TENM2: variants seen among roughly 807,000 people sequenced by gnomAD.
TENM2 encodes the protein teneurin-2.
A neutral mutation model predicts 245.2 loss-of-function variants in TENM2; 52 were observed. The observed-to-expected ratio is 0.21, with a 90% CI of 0.17 to 0.27. The LOEUF is 0.27. TENM2 is among the 10% of genes least tolerant of loss of function. The pLI, the probability that TENM2 is intolerant of heterozygous loss-of-function variation, is 1.00. For synonymous variants in TENM2, 1,363 were observed against 1,438.9 expected (o/e 0.95, Z 1.19); for missense variants, 3,046 against 3,666.8 (o/e 0.83, Z 4.37).
intron 1 of TENM2, among the ~76,000 whole-genome samples, chr5:167,355,394 G>A (rs1489539616): frequency 1.3e-5 from 2 of 152,120 alleles, no homozygotes; most frequent in Non-Finnish European, 2.9e-5. Flanking sequence ...AACACACCGC[G>A]CACAAGAGAA....
At chr5:167,069,417 T>G in the TENM2 span, among the ~76,000 whole-genome samples, 17 of 152,338 alleles carry the variant, frequency 1.1e-4, no homozygotes, top group Admixed American at 1.1e-3. Context: ...TCAATAATGC[T>G]TAATTATTTT....
chr5:167,868,844 A>G (rs1467113058), intron 2 of TENM2, among the ~76,000 whole-genome samples: 63 of 152,132 alleles, frequency 4.1e-4, no homozygotes, highest in Non-Finnish European at 1.2e-4. Context: ...ACAGTCATGT[A>G]TACACAGCAG....
At chr5:167,770,366 C>T (rs779984758) in intron 2 of TENM2, among the ~76,000 whole-genome samples, 10 of 152,088 alleles carry the variant, frequency 6.6e-5, no homozygotes, top group Non-Finnish European at 1.0e-4. Flanking sequence ...GGAGAAGTTA[C>T]GGATGGCTGC....
At chr5:167,010,581 T>C in the TENM2 span, among the ~76,000 whole-genome samples, 5 of 152,224 alleles carry the variant, frequency 3.3e-5, no homozygotes, top group Non-Finnish European at 4.4e-5. Context: ...GATATCCTAC[T>C]TGGAGAACTA....
intron 5 of TENM2, among the ~76,000 whole-genome samples, chr5:168,011,233 TGTGCAGATG>T (rs1785197359): frequency 6.6e-6 from 1 of 152,250 alleles, no homozygotes; most frequent in African/African-American, 2.4e-5. Flanking sequence ...GTGGGAATGA[TGTGCAGATG>T]GTCTCCAGTG....
At chr5:168,155,372 A>C (rs1168528316) in intron 12 of TENM2, among the ~76,000 whole-genome samples, 1 of 142,476 alleles carries the variant, frequency 7.0e-6, no homozygotes, top group Non-Finnish European at 1.5e-5. Flanking sequence ...CAAACAAAAA[A>C]AAAACAGTGA....
At chr5:167,260,651 G>A in the TENM2 span, among the ~76,000 whole-genome samples, 3 of 152,206 alleles carry the variant, frequency 2.0e-5, no homozygotes, top group Non-Finnish European at 4.4e-5. Flanking sequence ...GGAGCACTGT[G>A]CTAGGCACTG....
intron 5 of TENM2, among the ~76,000 whole-genome samples, chr5:168,035,438 A>C (rs1406181482): frequency 1.3e-5 from 2 of 150,948 alleles, no homozygotes; most frequent in Admixed American, 6.6e-5. Context: ...CGCAGTTTGC[A>C]GTGAACTGAG....
At chr5:167,156,474 C>G in the TENM2 span, among the ~76,000 whole-genome samples, 1 of 152,014 alleles carries the variant, frequency 6.6e-6, no homozygotes, top group African/African-American at 2.4e-5. Context: ...TGGGAATGAC[C>G]CCTTAAAGTT....
intron 7 of TENM2, among the ~76,000 whole-genome samples, chr5:168,086,402 T>C (rs1301675689): frequency 6.6e-6 from 1 of 152,220 alleles, no homozygotes; most frequent in Non-Finnish European, 1.5e-5. Flanking sequence ...CATGCCACTT[T>C]GGGGTATGAC....
rs573623965 is a variant in TENM2, at chr5:167,753,172, G to A, written c.503-122814G>A. Among the ~76,000 whole-genome samples the A allele has an allele frequency of 2.6e-5, 4 of 152,270 alleles. No homozygotes were observed. In the East Asian group the frequency reaches 7.7e-4, roughly 29 times the overall value. ...TTTAAGGATGTTGACAAATCTGAAT[G>A]CATGCAAAGAAAAATGGTAAGGATG... is the stretch of plus-strand genomic sequence containing the variant. On this transcript the variant is annotated intron_variant, in intron 2 of 28. Transcript: ENST00000518659.
chr5:167,097,162 A>G, the TENM2 span, among the ~76,000 whole-genome samples: 1 of 152,124 alleles, frequency 6.6e-6, no homozygotes, highest in South Asian at 2.1e-4. Context: ...TGCCGGCGCT[A>G]GTCTTGTGGC....
At chr5:167,094,940 G>A in the TENM2 span, among the ~76,000 whole-genome samples, 1 of 152,112 alleles carries the variant, frequency 6.6e-6, no homozygotes, top group Non-Finnish European at 1.5e-5. Flanking sequence ...TGTGTACCAG[G>A]CCCTGAGTTG....
chr5:167,988,494 C>T (rs1017039823), intron 4 of TENM2, among the ~76,000 whole-genome samples: 8 of 152,034 alleles, frequency 5.3e-5, no homozygotes, highest in African/African-American at 1.7e-4. Flanking sequence ...ATTGAAGGGG[C>T]CCAGGAAGAT....
chr5:167,822,018 G>T (rs909962499), intron 2 of TENM2, among the ~76,000 whole-genome samples: 2 of 152,004 alleles, frequency 1.3e-5, no homozygotes, highest in Non-Finnish European at 2.9e-5. Flanking sequence ...TTGTTTGTTT[G>T]TTTTTTCATT....
chr5:167,597,160 CTTTTCTTTT>C (rs1279035797), intron 2 of TENM2, among the ~76,000 whole-genome samples: 5 of 102,236 alleles, frequency 4.9e-5, no homozygotes, highest in Non-Finnish European at 6.4e-5. Context: ...CTTTTCTTTT[CTTTTCTTTT>C]TTTTTTTTTT....
chr5:168,226,174 C>T lies in TENM2; in HGVS notation c.5195C>T (p.Thr1732Ile), dbSNP rs376305989. Residue 1732 changes from threonine to isoleucine, a missense_variant, in exon 24 of 29, where the codon ACC becomes ATC. This residue lies in a region of TENM2 where 2,704 missense variants were observed against 3,331.9 expected (regional missense o/e 0.81). Coordinates refer to ENST00000518659, the Ensembl canonical transcript of TENM2. ...CACCGGGAAATGGAGAAATCTATTA[C>T]CATTGACATTGAGAACTCCAACCGT... 6 of 1,613,680 alleles carry T rather than the reference C, an allele frequency of 3.7e-6. No homozygotes were observed. In the Admixed American group the frequency reaches 8.3e-5, roughly 22 times the overall value.
chr5:167,110,924 G>A, the TENM2 span, among the ~76,000 whole-genome samples: 1 of 152,168 alleles, frequency 6.6e-6, no homozygotes, highest in African/African-American at 2.4e-5. Flanking sequence ...AAATGTGATA[G>A]GCAAATGCAT....
At chr5:167,772,802 A>G (rs1412330425) in intron 2 of TENM2, among the ~76,000 whole-genome samples, 3 of 152,180 alleles carry the variant, frequency 2.0e-5, no homozygotes, top group African/African-American at 7.2e-5. Flanking sequence ...CCATATGTTT[A>G]ACCTCCTTGA....
Sources: allele counts gnomAD v4.1 joint callset (sites outside exome capture counted in the v4.1 genomes callset), GRCh38; gene constraint gnomAD v4.1.1; regional missense constraint gnomAD v4.1.1; transcripts MANE v1.5; gene names NCBI Gene and HGNC (gene_info 2026-07-23, HGNC 2026-07-21).